MAGI2: variants seen among roughly 807,000 people sequenced by gnomAD.
MAGI2 encodes membrane associated guanylate kinase, WW and PDZ domain containing 2.
MAGI2 carries 35 observed loss-of-function variants against 133.3 expected under a neutral mutation model. That is an observed-to-expected ratio of 0.26 (90% CI 0.20 to 0.35). MAGI2 has a LOEUF of 0.35. Among genes scored for constraint, MAGI2 ranks in the 10% least tolerant of loss-of-function variants. The pLI, the probability that MAGI2 is intolerant of heterozygous loss-of-function variation, is 1.00. For synonymous variants in MAGI2, 729 were observed against 710.6 expected (o/e 1.03, Z -0.41); for missense variants, 1,636 against 1,863.4 (o/e 0.88, Z 2.25).
At chr7:78,291,014 ACAATTAAAAGAGCTAGAGAAG>A (rs1400691948) in intron 9 of MAGI2, among the ~76,000 whole-genome samples, 2 of 152,240 alleles carry the variant, frequency 1.3e-5, no homozygotes, top group Non-Finnish European at 2.9e-5. Flanking sequence ...CCCTAATGTC[ACAATTAAAAGAGCTAGAGAAG>A]CAAGAGCAAA....
rs1207975244 is a variant in MAGI2, at chr7:78,315,467, T to C, written c.1408+28311A>G. 2.6e-5 allele frequency among the ~76,000 whole-genome samples: 4 copies of C among 152,170 alleles called. No individual in the cohort carries two copies. In the East Asian group the frequency reaches 7.7e-4, roughly 29 times the overall value. ...ATTTAGTCATGCTATTCACATTGAG[T>C]TCTTCCTTGGAGGGTTTTAAACACG... On this transcript the variant is annotated intron_variant, in intron 9 of 21. Transcript: ENST00000354212.
chr7:78,986,388 G>T (rs1805264611), intron 2 of MAGI2, among the ~76,000 whole-genome samples: 1 of 151,906 alleles, frequency 6.6e-6, no homozygotes, highest in Non-Finnish European at 1.5e-5. Flanking sequence ...TCTAAACTCA[G>T]ATTTCATCTG....
At chr7:79,398,624 A>G (rs1296037047) in intron 1 of MAGI2, among the ~76,000 whole-genome samples, 1 of 152,198 alleles carries the variant, frequency 6.6e-6, no homozygotes, top group East Asian at 1.9e-4. Flanking sequence ...TAAACCAATT[A>G]CTTTCATACC....
chr7:78,882,097 A>AAAAAAAAAAAAG (rs1795909580), intron 2 of MAGI2, among the ~76,000 whole-genome samples: 1 of 124,632 alleles, frequency 8.0e-6, no homozygotes, highest in African/African-American at 2.8e-5. Context: ...AAAAAAAAAA[A>AAAAAAAAAAAAG]AAAAAAAAAA....
At chr7:78,542,159 TA>T (rs1158750068) in intron 3 of MAGI2, among the ~76,000 whole-genome samples, 4 of 152,210 alleles carry the variant, frequency 2.6e-5, no homozygotes, top group African/African-American at 9.6e-5. Flanking sequence ...CTTTTTCATT[TA>T]AAAAATACTC....
chr7:78,280,648 C>A (rs932841689), intron 9 of MAGI2, among the ~76,000 whole-genome samples: 2 of 151,950 alleles, frequency 1.3e-5, no homozygotes, highest in African/African-American at 2.4e-5. Flanking sequence ...TAGACTGAGA[C>A]GTTAAGTATG....
intron 1 of MAGI2, among the ~76,000 whole-genome samples, chr7:79,189,449 C>A (rs1472818322): frequency 6.6e-6 from 1 of 151,288 alleles, no homozygotes; most frequent in Non-Finnish European, 1.5e-5. Flanking sequence ...GATGTGATAC[C>A]CTATTTTTAA....
chr7:79,118,585 A>T (rs186756624), intron 1 of MAGI2, among the ~76,000 whole-genome samples: 2 of 152,312 alleles, frequency 1.3e-5, no homozygotes, highest in Admixed American at 6.5e-5. Context: ...ATCTCTGAGT[A>T]CTTCAAAGCA....
chr7:78,676,840 G>A (rs1815092161), intron 2 of MAGI2, among the ~76,000 whole-genome samples: 1 of 151,990 alleles, frequency 6.6e-6, no homozygotes, highest in Admixed American at 6.6e-5. Context: ...TAAATAATGA[G>A]TATGTATTTA....
At chr7:79,088,995 C>T (rs1177776278) in intron 1 of MAGI2, among the ~76,000 whole-genome samples, 2 of 152,032 alleles carry the variant, frequency 1.3e-5, no homozygotes, top group African/African-American at 2.4e-5. Context: ...AAGAAACTCG[C>T]ATCAGAGTGA....
At chr7:79,324,844 G>A (rs1012158318) in intron 1 of MAGI2, among the ~76,000 whole-genome samples, 1 of 149,116 alleles carries the variant, frequency 6.7e-6, no homozygotes, top group Admixed American at 6.8e-5. Flanking sequence ...AAGTCTACTC[G>A]TCCTTCAGAG....
chr7:78,264,221 T>C (rs1422147194), intron 9 of MAGI2, among the ~76,000 whole-genome samples: 2 of 152,192 alleles, frequency 1.3e-5, no homozygotes, highest in Non-Finnish European at 2.9e-5. Flanking sequence ...TTATCTGTAC[T>C]TGATACATGG....
intron 1 of MAGI2, among the ~76,000 whole-genome samples, chr7:79,240,547 T>C (rs1321721715): frequency 2.0e-5 from 3 of 152,088 alleles, no homozygotes; most frequent in Non-Finnish European, 2.9e-5. Flanking sequence ...TTATTTTACA[T>C]AGTGATCACT....
intron 6 of MAGI2, among the ~76,000 whole-genome samples, chr7:78,483,007 T>C (rs1792578858): frequency 8.2e-6 from 1 of 121,410 alleles, no homozygotes; most frequent in Non-Finnish European, 1.7e-5. Flanking sequence ...ATACAATACA[T>C]GTATATTGTA....
intron 2 of MAGI2, among the ~76,000 whole-genome samples, chr7:78,631,540 G>A (rs374196379): frequency 6.6e-6 from 1 of 152,120 alleles, no homozygotes; most frequent in African/African-American, 2.4e-5. Context: ...GAAAAAGGGA[G>A]GGAGAGAAAA....
At chr7:78,630,200 T>C (rs1044682848) in intron 2 of MAGI2, among the ~76,000 whole-genome samples, 1 of 144,098 alleles carries the variant, frequency 6.9e-6, no homozygotes, top group African/African-American at 2.6e-5. Flanking sequence ...TTCTTTACTT[T>C]AGTAATTTTT....
rs2536052 is a variant in MAGI2, at chr7:79,223,965, T to A, written c.302-216759A>T. Among the ~76,000 whole-genome samples, 198 of 152,196 alleles carry A rather than the reference T, an allele frequency of 1.3e-3. 3 individuals carry two copies. The highest frequency in any genetic ancestry group is 4.6e-3 in the African/African-American group (192 of 41,456). On this transcript the variant is annotated intron_variant, in intron 1 of 21. Transcript: ENST00000354212. ...TCTTCCCAGTGAAATCTATTTAGCC[T>A]AAACCATGATCATTGGGAGTGGGCT...
At chr7:79,270,625 A>G (rs900419539) in intron 1 of MAGI2, among the ~76,000 whole-genome samples, 1 of 152,196 alleles carries the variant, frequency 6.6e-6, no homozygotes, top group Non-Finnish European at 1.5e-5. Context: ...AGTGTTATAC[A>G]GGTGACATAT....
intron 3 of MAGI2, among the ~76,000 whole-genome samples, chr7:78,600,290 C>A (rs1805056646): frequency 6.6e-6 from 1 of 151,996 alleles, no homozygotes; most frequent in East Asian, 1.9e-4. Flanking sequence ...AATAGCAAAT[C>A]AAGAATAACA....
Sources: gnomAD v4.1 joint callset for allele counts (sites outside exome capture counted in the v4.1 genomes callset) on GRCh38, gnomAD v4.1.1 for gene constraint, MANE v1.5 for transcripts, NCBI Gene and HGNC (gene_info 2026-07-23, HGNC 2026-07-21) for gene names.